RALYL: variants seen among roughly 807,000 people sequenced by gnomAD.
RALYL encodes RALY RNA binding protein like.
In RALYL, 29 loss-of-function variants were observed where a neutral mutation model predicts 35.1. That is an observed-to-expected ratio of 0.83 (90% CI 0.61 to 1.13). The LOEUF is 1.13. RALYL is among the 50% of genes most tolerant of loss of function. The pLI is 0.00. For missense variants in RALYL, 359 were observed against 360.4 expected (o/e 1.00, Z 0.03); for synonymous variants, 120 against 127.6 (o/e 0.94, Z 0.40).
chr8:84,771,216 T>TTC (rs140057360), intron 2 of RALYL, among the ~76,000 whole-genome samples: 5 of 151,108 alleles, frequency 3.3e-5, no homozygotes, highest in Non-Finnish European at 7.4e-5. Context: ...CTAATTCATT[T>TTC]TCTCTCTCTC....
At chr8:84,533,247 A>T (rs1199358732) in intron 2 of RALYL, among the ~76,000 whole-genome samples, 1 of 152,136 alleles carries the variant, frequency 6.6e-6, no homozygotes, top group African/African-American at 2.4e-5. Context: ...GGAAATATTT[A>T]TTGCATTTTT....
intron 1 of RALYL, among the ~76,000 whole-genome samples, chr8:84,204,104 A>G (rs1817540515): frequency 6.6e-6 from 1 of 152,114 alleles, no homozygotes; most frequent in Admixed American, 6.6e-5. Flanking sequence ...TAATCATCAC[A>G]TATAAATAAT....
chr8:84,901,806 A>T (rs1184459718), intron 8 of RALYL, among the ~76,000 whole-genome samples: 2 of 152,268 alleles, frequency 1.3e-5, no homozygotes, highest in East Asian at 3.9e-4. Context: ...TTGATTAATA[A>T]GCATTTTGTT....
intron 2 of RALYL, among the ~76,000 whole-genome samples, chr8:84,537,528 T>C (rs543155490): frequency 6.6e-6 from 1 of 151,606 alleles, no homozygotes; most frequent in South Asian, 2.1e-4. Flanking sequence ...TTAAATGGTA[T>C]ACAAATGAGT....
At chr8:84,753,887 T>C (rs376421961) in intron 2 of RALYL, among the ~76,000 whole-genome samples, 4 of 152,162 alleles carry the variant, frequency 2.6e-5, no homozygotes, top group Non-Finnish European at 5.9e-5. Context: ...CTCTGATGGC[T>C]AGTGATGATG....
At chr8:84,354,767 T>G (rs1355348243) in intron 1 of RALYL, among the ~76,000 whole-genome samples, 1 of 150,204 alleles carries the variant, frequency 6.7e-6, no homozygotes, top group East Asian at 1.9e-4. Flanking sequence ...AGCTAAAAGC[T>G]TATGTCTATT....
chr8:84,373,300 A>C (rs758175526), intron 1 of RALYL, among the ~76,000 whole-genome samples: 1 of 151,828 alleles, frequency 6.6e-6, no homozygotes, highest in Non-Finnish European at 1.5e-5. Context: ...GCTTGTTCCT[A>C]TGTCCAGAAT....
intron 1 of RALYL, among the ~76,000 whole-genome samples, chr8:84,515,367 G>A (rs2057976550): frequency 2.6e-5 from 4 of 152,072 alleles, no homozygotes; most frequent in Admixed American, 2.6e-4. Context: ...TTGCGTGGAG[G>A]AATGTTATAT....
At chr8:84,682,373 T>G (rs1295412088) in intron 2 of RALYL, among the ~76,000 whole-genome samples, 1 of 152,094 alleles carries the variant, frequency 6.6e-6, no homozygotes, top group East Asian at 1.9e-4. Context: ...TTAGGGAGGA[T>G]TCCTTCTTTT....
intron 2 of RALYL, among the ~76,000 whole-genome samples, chr8:84,694,805 A>G (rs909165049): frequency 6.6e-6 from 1 of 151,850 alleles, no homozygotes; most frequent in African/African-American, 2.4e-5. Flanking sequence ...ATCTAACCAG[A>G]AACACCGGAA....
At chr8:84,700,093 G>A (rs1165311677) in intron 2 of RALYL, among the ~76,000 whole-genome samples, 1 of 151,824 alleles carries the variant, frequency 6.6e-6, no homozygotes, top group Non-Finnish European at 1.5e-5. Context: ...AGAAAATCAG[G>A]CAACCAAGAA....
intron 2 of RALYL, chr8:84,665,975 A>G (rs529922556): frequency 6.6e-6 from 1 of 152,086 alleles, no homozygotes; most frequent in Non-Finnish European, 1.5e-5. Flanking sequence ...AGACAATACT[A>G]GACCACGTGT....
intron 2 of RALYL, among the ~76,000 whole-genome samples, chr8:84,768,790 TC>T (rs1273368573): frequency 6.6e-6 from 1 of 152,206 alleles, no homozygotes; most frequent in Non-Finnish European, 1.5e-5. Context: ...AAAAGAAAAT[TC>T]TGCATTTGAA....
chr8:84,299,770 G>A (rs910868541), intron 1 of RALYL, among the ~76,000 whole-genome samples: 1 of 151,926 alleles, frequency 6.6e-6, no homozygotes, highest in Non-Finnish European at 1.5e-5. Flanking sequence ...GTTTGAAATG[G>A]TTTCTGCAGG....
chr8:84,361,162 T>C (rs758068273), intron 1 of RALYL, among the ~76,000 whole-genome samples: 9 of 152,164 alleles, frequency 5.9e-5, no homozygotes, highest in Non-Finnish European at 1.2e-4. Flanking sequence ...TTAGTGTGAT[T>C]TGAAAATACA....
At chr8:84,747,973 T>C (rs1809049541) in intron 2 of RALYL, among the ~76,000 whole-genome samples, 1 of 151,970 alleles carries the variant, frequency 6.6e-6, no homozygotes, top group Non-Finnish European at 1.5e-5. Context: ...AGAAGCCAAA[T>C]CCATATATTT....
intron 2 of RALYL, among the ~76,000 whole-genome samples, chr8:84,653,113 A>C (rs996903769): frequency 2.0e-5 from 3 of 152,102 alleles, no homozygotes; most frequent in Middle Eastern, 3.2e-3. Flanking sequence ...GTACCAGAGT[A>C]TAATATTAGA....
At position 84,682,819 on chromosome 8, in the gene RALYL, G is replaced by GT. The variant is rs1402590689; in HGVS notation, c.257-91751dup. Among the ~76,000 whole-genome samples the GT allele has an allele frequency of 2.7e-3, 406 of 150,954 alleles. 2 individuals are homozygous for GT. The highest frequency in any genetic ancestry group is 8.7e-3 in the African/African-American group (358 of 41,164). On this transcript the variant is annotated intron_variant, in intron 2 of 8. Coordinates refer to ENST00000521268, the MANE Select transcript of RALYL (RefSeq NM_173848.7). ...CCTGGATTCATTGATTTTTTGATGG[G>GT]TTTTTTTTTGTCTCTATTTCCTTCA... is the stretch of plus-strand genomic sequence containing the variant.
chr8:84,892,697 A>G (rs1844079343), intron 8 of RALYL, among the ~76,000 whole-genome samples: 1 of 151,832 alleles, frequency 6.6e-6, no homozygotes, highest in Admixed American at 6.6e-5. Context: ...AACTTAAAGT[A>G]TAATAAAAAA....
Sources: gnomAD v4.1 joint callset for allele counts (sites outside exome capture counted in the v4.1 genomes callset) on GRCh38, gnomAD v4.1.1 for gene constraint, MANE v1.5 for transcripts, NCBI Gene and HGNC (gene_info 2026-07-23, HGNC 2026-07-21) for gene names.